Variants in RABGAP1L observed in about 807,000 individuals in gnomAD.
RABGAP1L encodes rab GTPase-activating protein 1-like.
In RABGAP1L, 63 loss-of-function variants were observed where a neutral mutation model predicts 137.7. That is an observed-to-expected ratio of 0.46 (90% confidence interval 0.37 to 0.56). The LOEUF (loss-of-function observed/expected upper bound fraction) is 0.56. Ranked by LOEUF, RABGAP1L falls within the 20% of genes least tolerant of loss-of-function variation. The pLI, the probability that RABGAP1L is intolerant of heterozygous loss-of-function variation, is 0.00. For missense variants in RABGAP1L, 1,095 were observed against 1,244.0 expected (o/e 0.88, Z 1.80); for synonymous variants, 431 against 433.7 (o/e 0.99, Z 0.08).
chr1:174,198,961 A>C (rs1208162531), intron 1 of RABGAP1L, among the ~76,000 whole-genome samples: 1 of 152,088 alleles, frequency 6.6e-6, no homozygotes, highest in African/African-American at 2.4e-5. Context: ...ATACAAAATT[A>C]GCCGGGCGTG....
At chr1:174,854,983 C>A (rs1649052132) in intron 19 of RABGAP1L, among the ~76,000 whole-genome samples, 1 of 151,818 alleles carries the variant, frequency 6.6e-6, no homozygotes, top group African/African-American at 2.4e-5. Flanking sequence ...AGTGATCCAC[C>A]CGCCTCGGCT....
chr1:174,226,138 T>A (rs1023706209), intron 3 of RABGAP1L, among the ~76,000 whole-genome samples: 2 of 152,208 alleles, frequency 1.3e-5, no homozygotes, highest in Admixed American at 6.5e-5. Context: ...TGTTGCTCAC[T>A]GCTATTCTGC....
At chr1:174,483,247 A>G (rs571829833) in intron 13 of RABGAP1L, among the ~76,000 whole-genome samples, 1 of 152,114 alleles carries the variant, frequency 6.6e-6, no homozygotes, top group African/African-American at 2.4e-5. Flanking sequence ...CTATTTTTGT[A>G]CCCATTAACC....
intron 11 of RABGAP1L, among the ~76,000 whole-genome samples, chr1:174,350,935 T>G (rs1683112240): frequency 8.7e-6 from 1 of 114,996 alleles, no homozygotes; most frequent in Non-Finnish European, 1.8e-5. Flanking sequence ...CCAAAACCAG[T>G]CAGGCGTGGC....
chr1:174,965,313 G>A (rs116656646), intron 20 of RABGAP1L, among the ~76,000 whole-genome samples: 16 of 152,310 alleles, frequency 1.1e-4, no homozygotes, highest in African/African-American at 3.8e-4. Context: ...ACATCTGCTT[G>A]TGCAAACTTA....
intron 7 of RABGAP1L, among the ~76,000 whole-genome samples, chr1:174,269,109 A>AT (rs944991954): frequency 2.6e-5 from 4 of 151,630 alleles, no homozygotes; most frequent in Non-Finnish European, 4.4e-5. Flanking sequence ...GGCCCGGCTA[A>AT]TTTTTTTGTA....
rs1672181842 is a variant in RABGAP1L, at chr1:174,993,396, G to T, written c.*3395G>T. 6.7e-6 allele frequency: 1 copy of T among 149,736 alleles called. No individual in the cohort carries two copies. Among genetic ancestry groups the T allele is most frequent in the African/African-American group, 2.6e-5 (1 of 39,132 alleles). The allele number at this position is 149,736 out of a possible 1,614,324, so 9.3% of individuals were successfully genotyped here. On this transcript the variant is annotated 3_prime_UTR_variant, in exon 26 of 26. Transcript: ENST00000681986. ...GGGGATATTTAATAGTATGTATCTT[G>T]TTTCATTTTTTTCCTATGATGTATT...
intron 13 of RABGAP1L, among the ~76,000 whole-genome samples, chr1:174,437,154 C>T (rs1251834684): frequency 1.3e-5 from 2 of 152,158 alleles, no homozygotes; most frequent in Admixed American, 1.3e-4. Context: ...CTCTAAAAAT[C>T]AGAGTGCCTC....
chr1:174,436,823 A>T (rs1289730729), intron 13 of RABGAP1L, among the ~76,000 whole-genome samples: 2 of 152,180 alleles, frequency 1.3e-5, no homozygotes, highest in African/African-American at 2.4e-5. Context: ...ACCCCCCAGT[A>T]GGGGCAGACT....
intron 13 of RABGAP1L, among the ~76,000 whole-genome samples, chr1:174,500,484 T>G (rs1661158534): frequency 6.6e-6 from 1 of 152,198 alleles, no homozygotes; most frequent in African/African-American, 2.4e-5. Flanking sequence ...ATTTGTTCAC[T>G]TGAGACCCTG....
chr1:174,212,537 T>G (rs1668975502), intron 1 of RABGAP1L, among the ~76,000 whole-genome samples: 1 of 151,868 alleles, frequency 6.6e-6, no homozygotes, highest in Non-Finnish European at 1.5e-5. Flanking sequence ...ATGATACAGC[T>G]AAAGCAGTAC....
At chr1:174,312,659 C>A (rs185032688) in intron 11 of RABGAP1L, among the ~76,000 whole-genome samples, 2 of 152,184 alleles carry the variant, frequency 1.3e-5, no homozygotes, top group Admixed American at 1.3e-4. Context: ...TAGGGTATTA[C>A]CCATGAAATT....
At chr1:174,467,895 T>G (rs930388573) in intron 13 of RABGAP1L, among the ~76,000 whole-genome samples, 1 of 152,150 alleles carries the variant, frequency 6.6e-6, no homozygotes, top group African/African-American at 2.4e-5. Context: ...AGAAGATATT[T>G]CTAGAGTCAG....
intron 10 of RABGAP1L, among the ~76,000 whole-genome samples, chr1:174,286,374 T>G (rs1558100434): frequency 6.6e-6 from 1 of 152,196 alleles, no homozygotes; most frequent in South Asian, 2.1e-4. Context: ...TAATAGTCTC[T>G]TATGATCTGT....
At chr1:174,342,646 G>C (rs1349386508) in intron 11 of RABGAP1L, among the ~76,000 whole-genome samples, 2 of 151,268 alleles carry the variant, frequency 1.3e-5, no homozygotes, top group East Asian at 1.9e-4. Context: ...ATCAACATCA[G>C]TGTGCAGATG....
At chr1:174,913,939 A>G (rs1660449119) in intron 19 of RABGAP1L, among the ~76,000 whole-genome samples, 1 of 152,194 alleles carries the variant, frequency 6.6e-6, no homozygotes, top group South Asian at 2.1e-4. Flanking sequence ...TTAGATACAT[A>G]CTATTGTCCA....
At position 174,627,503 on chromosome 1, in the gene RABGAP1L, C is replaced by T. The variant is rs1021287650; in HGVS notation, c.1711-9872C>T. ...TTCATGTAATACTCTTGATAACAGG[C>T]ACTAAATTGAACCTACTTTAAATTG... On this transcript the variant is annotated intron_variant, in intron 13 of 25. Coordinates refer to ENST00000681986, the MANE Select transcript of RABGAP1L (RefSeq NM_001366446.1). Among the ~76,000 whole-genome samples the T allele has an allele frequency of 5.3e-5, 8 of 152,284 alleles. No individual in the cohort carries two copies. In the South Asian group the frequency reaches 1.2e-3, roughly 24 times the overall value.
chr1:174,834,709 A>G (rs1203819719), intron 19 of RABGAP1L, among the ~76,000 whole-genome samples: 1 of 151,896 alleles, frequency 6.6e-6, no homozygotes, highest in African/African-American at 2.4e-5. Context: ...ATATATATCA[A>G]TTATATTTTT....
At chr1:174,473,601 G>A (rs1213563360) in intron 13 of RABGAP1L, among the ~76,000 whole-genome samples, 1 of 152,026 alleles carries the variant, frequency 6.6e-6, no homozygotes, top group Non-Finnish European at 1.5e-5. Context: ...TAGTTTTGGG[G>A]GCAGACCACA....
Sources: allele counts gnomAD v4.1 joint callset (sites outside exome capture counted in the v4.1 genomes callset), GRCh38; gene constraint gnomAD v4.1.1; transcripts MANE v1.5; gene names NCBI Gene and HGNC (gene_info 2026-07-23, HGNC 2026-07-21).